The following GMDS variants were observed in gnomAD, a reference collection of about 807,000 sequenced individuals.
GMDS encodes GDP-mannose 4,6 dehydratase.
In GMDS, 20 loss-of-function variants were observed where a neutral mutation model predicts 49.9. The ratio of observed to expected loss-of-function variants is 0.40; its 90% CI spans 0.28 to 0.58. GMDS has a LOEUF of 0.58. GMDS is among the 20% of genes least tolerant of loss of function. The probability of loss-of-function intolerance (pLI) is 0.42; values close to 1 mark genes in which losing one functional copy is unlikely to be tolerated. For synonymous variants in GMDS, 177 were observed against 178.6 expected (o/e 0.99, Z 0.07); for missense variants, 362 against 481.4 (o/e 0.75, Z 2.32).
At chr6:1,763,861 C>T (rs1768249476) in intron 7 of GMDS, among the ~76,000 whole-genome samples, 4 of 152,172 alleles carry the variant, frequency 2.6e-5, no homozygotes, top group Admixed American at 2.0e-4. Context: ...GTGAAGAGTG[C>T]TCCCTGTCTC....
intron 9 of GMDS, among the ~76,000 whole-genome samples, chr6:1,674,317 C>A (rs1283532374): frequency 2.0e-5 from 3 of 152,102 alleles, no homozygotes; most frequent in African/African-American, 7.2e-5. Context: ...ATCTGTATAT[C>A]TTCTTTGGTG....
chr6:2,148,666 C>T (rs1046057999), intron 1 of GMDS, among the ~76,000 whole-genome samples: 5 of 152,126 alleles, frequency 3.3e-5, no homozygotes, highest in Non-Finnish European at 7.3e-5. Flanking sequence ...GTGATCCGCC[C>T]GCCTTGGCCT....
intron 7 of GMDS, among the ~76,000 whole-genome samples, chr6:1,742,885 C>A (rs890640638): frequency 1.3e-5 from 2 of 152,126 alleles, no homozygotes; most frequent in Admixed American, 1.3e-4. Context: ...TGCAGGTCCT[C>A]AGACCACAAC....
intron 7 of GMDS, among the ~76,000 whole-genome samples, chr6:1,907,225 C>A (rs1173073503): frequency 1.3e-5 from 2 of 152,160 alleles, no homozygotes; most frequent in Non-Finnish European, 2.9e-5. Context: ...TTGAACTCAA[C>A]ACGCATAGAC....
chr6:1,973,521 T>G (rs1764731728), intron 4 of GMDS, among the ~76,000 whole-genome samples: 1 of 152,120 alleles, frequency 6.6e-6, no homozygotes, highest in African/African-American at 2.4e-5. Context: ...AATCAAGAGA[T>G]AAATAGAAGA....
intron 4 of GMDS, among the ~76,000 whole-genome samples, chr6:1,991,415 A>G (rs1461732261): frequency 6.6e-6 from 1 of 151,928 alleles, no homozygotes; most frequent in Non-Finnish European, 1.5e-5. Context: ...ATTGTCAAAC[A>G]CCTTAGAAAG....
intron 9 of GMDS, among the ~76,000 whole-genome samples, chr6:1,643,490 G>C (rs1424354003): frequency 3.9e-5 from 6 of 152,142 alleles, no homozygotes; most frequent in African/African-American, 1.4e-4. Context: ...GAGAGCCTTC[G>C]AGAGTCCTTT....
rs1288086039 is a variant in GMDS at position 1,836,855 on chromosome 6, A to G, written c.771+93248T>C. On this transcript the variant is annotated intron_variant, in intron 7 of 10. Coordinates refer to ENST00000380815, the MANE Select transcript of GMDS (RefSeq NM_001500.4). This position sits in a 1 kb window ranked among gnomAD's most constrained non-coding sequence, Gnocchi z 4.2. ...TGTGCAGAGCAAGAGCTGTCAGGAA[A>G]AAGGTAATGAAGAAGAATAGCTTAG... is the stretch of plus-strand genomic sequence containing the variant. 6.6e-6 allele frequency among the ~76,000 whole-genome samples: 1 copy of G among 152,238 alleles called. No homozygotes were observed. Among genetic ancestry groups the G allele is most frequent in the Non-Finnish European group, 1.5e-5 (1 of 68,042 alleles).
At chr6:2,200,114 A>G (rs1406564178) in intron 1 of GMDS, among the ~76,000 whole-genome samples, 1 of 152,234 alleles carries the variant, frequency 6.6e-6, no homozygotes, top group Non-Finnish European at 1.5e-5. Flanking sequence ...GTCAGATATT[A>G]TTCTAGGCAG....
At chr6:1,775,812 A>G (rs1393405961) in intron 7 of GMDS, among the ~76,000 whole-genome samples, 2 of 152,240 alleles carry the variant, frequency 1.3e-5, no homozygotes, top group East Asian at 3.8e-4. Context: ...TTTCAAAAAT[A>G]TGAGTAATAG....
intron 9 of GMDS, among the ~76,000 whole-genome samples, chr6:1,626,691 C>A (rs1179915157): frequency 6.6e-6 from 1 of 152,198 alleles, no homozygotes; most frequent in African/African-American, 2.4e-5. Context: ...GGATGCATTT[C>A]ATGGCTGTGA....
chr6:1,967,584 TAA>T (rs1764336700), intron 4 of GMDS, among the ~76,000 whole-genome samples: 1 of 152,194 alleles, frequency 6.6e-6, no homozygotes. Context: ...TTACGCTATA[TAA>T]AGAGTCAGAA....
intron 4 of GMDS, among the ~76,000 whole-genome samples, chr6:2,048,252 T>G (rs1435000158): frequency 2.6e-5 from 4 of 152,238 alleles, no homozygotes. Flanking sequence ...GCTAATTATT[T>G]TTTCTTTCAC....
At chr6:1,767,348 G>A (rs761151) in intron 7 of GMDS, among the ~76,000 whole-genome samples, 58,279 of 151,980 alleles carry the variant, frequency 0.38, 11,184 homozygotes, top group African/African-American at 0.44. Context: ...CTTATTATTT[G>A]GGAAATAAAA....
intron 3 of GMDS, 57 bp downstream of exon 3, chr6:2,117,412 T>C: frequency 2.0e-6 from 2 of 995,762 alleles, no homozygotes; most frequent in East Asian, 2.4e-5. Flanking sequence ...TATCTGAACA[T>C]AGGAACATCT....
intron 4 of GMDS, among the ~76,000 whole-genome samples, chr6:1,990,211 G>A (rs564943799): frequency 3.9e-5 from 6 of 152,274 alleles, no homozygotes; most frequent in Non-Finnish European, 7.3e-5. Flanking sequence ...CAGGAGAATC[G>A]CTTGAACCCG....
chr6:1,945,852 A>G (rs1446490782), intron 6 of GMDS, among the ~76,000 whole-genome samples: 1 of 152,256 alleles, frequency 6.6e-6, no homozygotes, highest in Non-Finnish European at 1.5e-5. Flanking sequence ...CATGTAAAAC[A>G]TGTAAACTAC....
rs1268028684 is a variant in GMDS at position 1,733,993 on chromosome 6, G to C, written c.891-7481C>G. Among the ~76,000 whole-genome samples the C allele has an allele frequency of 2.0e-5, 3 of 152,324 alleles. No homozygotes were observed. In the East Asian group the frequency reaches 5.8e-4, roughly 29 times the overall value. Reference sequence around the variant, plus strand: ...ATCGGGGCGACCTGCTAGTGGGACAGGGGAAAGGAGGGCGGGTGCCGTTTT... The same window carrying C: ...ATCGGGGCGACCTGCTAGTGGGACACGGGAAAGGAGGGCGGGTGCCGTTTT... On this transcript the variant is annotated intron_variant, in intron 8 of 10. Transcript: ENST00000380815.
intron 4 of GMDS, among the ~76,000 whole-genome samples, chr6:1,972,453 G>T (rs1335667551): frequency 6.6e-6 from 1 of 151,862 alleles, no homozygotes; most frequent in Admixed American, 6.6e-5. Context: ...CTTTTCTAGA[G>T]AAAAACTCAC....
Sources: gnomAD v4.1 joint callset for allele counts (sites outside exome capture counted in the v4.1 genomes callset) on GRCh38, gnomAD v4.1.1 for gene constraint, Gnocchi (gnomAD v3.1) non-coding constraint, MANE v1.5 for transcripts, NCBI Gene and HGNC (gene_info 2026-07-23, HGNC 2026-07-21) for gene names.